The following CALD1 variants were observed in gnomAD, a reference collection of about 807,000 sequenced individuals.
CALD1 encodes the protein caldesmon 1.
A neutral mutation model predicts 99.9 loss-of-function variants in CALD1; 33 were observed. The ratio of observed to expected loss-of-function variants is 0.33; its 90% CI spans 0.25 to 0.44. CALD1 has a LOEUF of 0.44. CALD1 is among the 20% of genes least tolerant of loss of function. CALD1 has a pLI of 1.00. For missense variants in CALD1, 861 were observed against 962.1 expected, an observed-to-expected ratio of 0.89 and a Z score of 1.39; for synonymous variants, 310 against 325.0, an observed-to-expected ratio of 0.95 and a Z score of 0.50.
intron 3 of CALD1, among the ~76,000 whole-genome samples, chr7:134,879,213 C>T (rs1801485501): frequency 6.6e-6 from 1 of 152,172 alleles, no homozygotes; most frequent in Non-Finnish European, 1.5e-5. Context: ...TACCACAGGG[C>T]ATGAAACATG....
At chr7:134,853,315 G>A (rs1800156543) in intron 2 of CALD1, among the ~76,000 whole-genome samples, 1 of 152,126 alleles carries the variant, frequency 6.6e-6, no homozygotes, top group Admixed American at 6.5e-5. Context: ...GCACCTAGGG[G>A]AGCAAATGTC....
At chr7:134,723,534 CTTTTTTTTTT>C in the CALD1 span, among the ~76,000 whole-genome samples, 17 of 87,670 alleles carry the variant, frequency 1.9e-4, no homozygotes, top group Admixed American at 2.8e-4. Context: ...GAAAAGGTAA[CTTTTTTTTTT>C]TTTTTTTTTT....
intron 1 of CALD1, among the ~76,000 whole-genome samples, chr7:134,821,282 T>C (rs555009937): frequency 2.7e-4 from 41 of 152,216 alleles, no homozygotes; most frequent in African/African-American, 8.7e-4. Context: ...TCTTTTAGTT[T>C]TTTTCATAAT....
At chr7:134,726,383 A>C in the CALD1 span, among the ~76,000 whole-genome samples, 1,553 of 143,890 alleles carry the variant, frequency 0.011, 32 homozygotes, top group African/African-American at 0.037. Context: ...AATATAATAT[A>C]TATCTTTTTA....
Position 134,958,309 on chromosome 7 carries a change from G to A in CALD1, c.2061+19G>A, listed in dbSNP as rs553704783. 1.6e-5 allele frequency: 25 copies of A among 1,580,016 alleles called. No homozygotes were observed. Among genetic ancestry groups the A allele is most frequent in the African/African-American group, 9.4e-5 (7 of 74,300 alleles). On this transcript the variant is annotated intron_variant, in intron 11 of 14. Transcript: ENST00000361675. ...AATTGAGGTGAGAATTGTCCTCAGC[G>A]TTATGGTCCTGCTGAACAGAAATAG...
intron 1 of CALD1, among the ~76,000 whole-genome samples, chr7:134,787,629 G>C (rs1180311320): frequency 5.3e-5 from 8 of 152,138 alleles, no homozygotes; most frequent in Non-Finnish European, 1.0e-4. Flanking sequence ...GACCCTAAGA[G>C]ACAGGAGACT....
At chr7:134,744,844 G>A (rs1796621609) in intron 1 of CALD1, among the ~76,000 whole-genome samples, 1 of 152,106 alleles carries the variant, frequency 6.6e-6, no homozygotes, top group African/African-American at 2.4e-5. Context: ...TCTCCAGGAA[G>A]CCTCTCCTGG....
At chr7:134,926,234 T>C (rs890417653) in intron 3 of CALD1, among the ~76,000 whole-genome samples, 4 of 152,198 alleles carry the variant, frequency 2.6e-5, no homozygotes, top group Non-Finnish European at 5.9e-5. Flanking sequence ...TATTATTTCA[T>C]TTGATTGTCA....
chr7:134,869,049 C>A (rs1022518778), intron 3 of CALD1, among the ~76,000 whole-genome samples: 1 of 151,976 alleles, frequency 6.6e-6, no homozygotes, highest in Non-Finnish European at 1.5e-5. Flanking sequence ...TTATCACTAG[C>A]CAAACAAGAA....
intron 3 of CALD1, among the ~76,000 whole-genome samples, chr7:134,909,643 A>AT (rs1437311577): frequency 6.6e-6 from 1 of 152,194 alleles, no homozygotes; most frequent in Non-Finnish European, 1.5e-5. Context: ...AGATCACGCC[A>AT]TTGCACTCCA....
intron 7 of CALD1, among the ~76,000 whole-genome samples, chr7:134,942,948 CAAGTT>C (rs2133075943): frequency 6.6e-6 from 1 of 152,092 alleles, no homozygotes; most frequent in South Asian, 2.1e-4. Flanking sequence ...GAGATGGTGA[CAAGTT>C]AAGTGCTAAG....
the CALD1 span, among the ~76,000 whole-genome samples, chr7:134,717,016 C>T: frequency 6.6e-6 from 1 of 152,154 alleles, no homozygotes; most frequent in African/African-American, 2.4e-5. Flanking sequence ...GTCTATCTAT[C>T]TATCATCTAT....
chr7:134,956,686 G>T (rs933265650), intron 9 of CALD1, among the ~76,000 whole-genome samples: 1 of 152,162 alleles, frequency 6.6e-6, no homozygotes, highest in Non-Finnish European at 1.5e-5. Context: ...ACTGAGACAA[G>T]GGGCCACTCA....
chr7:134,730,261 C>T, the CALD1 span, among the ~76,000 whole-genome samples: 3 of 148,148 alleles, frequency 2.0e-5, no homozygotes, highest in Non-Finnish European at 4.5e-5. Flanking sequence ...ACATTCACAG[C>T]GTTTGCCTCT....
chr7:134,749,045 C>G (rs910069056), intron 1 of CALD1, among the ~76,000 whole-genome samples: 1 of 152,172 alleles, frequency 6.6e-6, no homozygotes, highest in Non-Finnish European at 1.5e-5. Flanking sequence ...TTCCCGACTT[C>G]GGGAGCTGTG....
the CALD1 span, among the ~76,000 whole-genome samples, chr7:134,733,827 C>CA: frequency 6.8e-3 from 529 of 78,190 alleles, 6 homozygotes; most frequent in African/African-American, 0.026. Flanking sequence ...AAACAAAAAA[C>CA]AAAAAAAAAC....
rs1383046871 is a variant in CALD1, at chr7:134,933,428, A to T, written c.659A>T (p.Gln220Leu). 6.2e-7 allele frequency: 1 copy of T among 1,613,776 alleles called. No homozygotes were observed. The highest frequency in any genetic ancestry group is 8.5e-7 in the Non-Finnish European group (1 of 1,179,844). ...GTGGAAGAGAAAACAACTGAAAGCC[A>T]GGAGGAAACAGTGGTAATGTCATTA... The part of the protein sequence containing the change: ...VMVEEKTTES[Q>L]EETVVMSLKN... Residue 220 changes from glutamine (Q) to leucine (L), a missense_variant, in exon 5 of 15, where the codon CAG becomes CTG. Physicochemically the swap from Gln to Leu is moderately radical, Grantham distance 113 (BLOSUM62 -2). Coordinates refer to ENST00000361675, the MANE Select transcript of CALD1 (RefSeq NM_033138.4).
At chr7:134,912,699 A>G (rs898615461) in intron 3 of CALD1, among the ~76,000 whole-genome samples, 3 of 152,234 alleles carry the variant, frequency 2.0e-5, no homozygotes, top group Non-Finnish European at 4.4e-5. Context: ...TCCACCTTGG[A>G]AACATTTTCT....
intron 1 of CALD1, among the ~76,000 whole-genome samples, chr7:134,807,912 G>A (rs1364413882): frequency 6.6e-6 from 1 of 152,098 alleles, no homozygotes; most frequent in African/African-American, 2.4e-5. Context: ...ACAAGCGTAA[G>A]CCACCGTGCC....
Sources: allele counts gnomAD v4.1 joint callset (sites outside exome capture counted in the v4.1 genomes callset), GRCh38; gene constraint gnomAD v4.1.1; transcripts MANE v1.5; gene names NCBI Gene and HGNC (gene_info 2026-07-23, HGNC 2026-07-21).